Variants in MAML2 observed in about 807,000 individuals in gnomAD.
MAML2 encodes mastermind-like protein 2.
A neutral mutation model predicts 96.1 loss-of-function variants in MAML2; 22 were observed. The ratio of observed to expected loss-of-function variants is 0.23; its 90% CI spans 0.16 to 0.33. The LOEUF (loss-of-function observed/expected upper bound fraction) is 0.33, where lower values mean the gene tolerates loss of function less well. MAML2 is among the 10% of genes least tolerant of loss of function. The pLI is 1.00. For synonymous variants in MAML2, 561 were observed against 521.3 expected (o/e 1.08, Z -1.04); for missense variants, 1,367 against 1,392.4 (o/e 0.98, Z 0.29).
At chr11:96,285,501 G>A (rs477969) in intron 1 of MAML2, among the ~76,000 whole-genome samples, 61,106 of 151,980 alleles carry the variant, frequency 0.4, 12,312 homozygotes, top group East Asian at 0.47. Context: ...AAGAGCTTCC[G>A]TGCAGCAAAA....
intron 1 of MAML2, among the ~76,000 whole-genome samples, chr11:96,171,199 A>C (rs1030501764): frequency 1.3e-5 from 2 of 152,132 alleles, no homozygotes; most frequent in Non-Finnish European, 2.9e-5. Context: ...GGAAGAGTGA[A>C]CTGGGCTATC....
intron 1 of MAML2, among the ~76,000 whole-genome samples, chr11:96,255,383 A>C (rs1352170996): frequency 1.3e-5 from 2 of 152,360 alleles, no homozygotes; most frequent in South Asian, 4.1e-4. Flanking sequence ...CCCATTTTAC[A>C]GAAGAGGAAC....
At chr11:95,998,099 C>T (rs151286216) in intron 2 of MAML2, among the ~76,000 whole-genome samples, 113 of 151,154 alleles carry the variant, frequency 7.5e-4, no homozygotes, top group Non-Finnish European at 1.3e-3. Flanking sequence ...CCTATATCTA[C>T]CCATTTATCC....
intron 1 of MAML2, among the ~76,000 whole-genome samples, chr11:96,144,793 G>A (rs375394733): frequency 2.2e-4 from 34 of 152,288 alleles, no homozygotes; most frequent in African/African-American, 7.7e-4. Flanking sequence ...TATATACCAA[G>A]TACTACTCTA....
chr11:95,989,032 C>T (rs1433255801), intron 3 of MAML2, among the ~76,000 whole-genome samples: 1 of 152,180 alleles, frequency 6.6e-6, no homozygotes, highest in Non-Finnish European at 1.5e-5. Flanking sequence ...CAGCTTGGTG[C>T]CTGGCATACA....
intron 1 of MAML2, among the ~76,000 whole-genome samples, chr11:96,211,750 T>C (rs553113278): frequency 6.6e-6 from 1 of 152,102 alleles, no homozygotes; most frequent in Non-Finnish European, 1.5e-5. Context: ...ATCCTGGAAA[T>C]TGCTAATATA....
At chr11:96,057,698 C>T (rs551109066) in intron 2 of MAML2, among the ~76,000 whole-genome samples, 5 of 152,300 alleles carry the variant, frequency 3.3e-5, no homozygotes, top group South Asian at 4.1e-4. Context: ...TGGCAGAGAA[C>T]GAGGTGTTCC....
Position 96,093,376 on chromosome 11 carries a change from G to A in MAML2, c.655C>T (p.Leu219Phe), listed in dbSNP as rs765904711. 1.9e-6 allele frequency: 3 copies of A among 1,613,942 alleles called. No individual in the cohort carries two copies. Among genetic ancestry groups the A allele is most frequent in the Non-Finnish European group, 2.5e-6 (3 of 1,179,884 alleles). ...TGACTTTGTCCATTGTTTATTTGGAGGCCACCTTGTCCTGCAGAGAGATTC... is the reference window on the plus strand; with the variant it reads ...TGACTTTGTCCATTGTTTATTTGGAAGCCACCTTGTCCTGCAGAGAGATTC... Reference protein sequence around the residue: ...GENLSAGQGGLQINNGQSQIM... With the variant: ...GENLSAGQGGFQINNGQSQIM... Residue 219 changes from leucine (L) to phenylalanine (F), a missense_variant, in exon 2 of 5, where the codon CTC becomes TTC. Physicochemically the swap from Leu to Phe is conservative, Grantham distance 22. Transcript: ENST00000524717.
intron 2 of MAML2, among the ~76,000 whole-genome samples, chr11:96,081,371 A>G (rs1394514306): frequency 2.6e-5 from 4 of 152,030 alleles, no homozygotes; most frequent in Non-Finnish European, 4.4e-5. Flanking sequence ...ATCAAAGTCA[A>G]CAGTGTCATG....
At chr11:96,163,465 C>A (rs1861145315) in intron 1 of MAML2, among the ~76,000 whole-genome samples, 1 of 152,160 alleles carries the variant, frequency 6.6e-6, no homozygotes, top group Non-Finnish European at 1.5e-5. Context: ...TCTTCACAAA[C>A]AAAATAACCC....
intron 1 of MAML2, among the ~76,000 whole-genome samples, chr11:96,145,770 G>A (rs1289294092): frequency 6.6e-6 from 1 of 152,228 alleles, no homozygotes; most frequent in East Asian, 1.9e-4. Context: ...TACTTTGGGA[G>A]GCCAAGGCAG....
chr11:96,194,545 T>C (rs1861702341), intron 1 of MAML2, among the ~76,000 whole-genome samples: 1 of 152,240 alleles, frequency 6.6e-6, no homozygotes, highest in African/African-American at 2.4e-5. Flanking sequence ...TTGGATTAAA[T>C]AATTTATTCT....
intron 1 of MAML2, among the ~76,000 whole-genome samples, chr11:96,312,794 T>TA (rs372205141): frequency 5.5e-4 from 84 of 152,356 alleles, no homozygotes; most frequent in African/African-American, 1.9e-3. Context: ...GCCATCGACT[T>TA]ACCTGTTGTG....
chr11:96,060,522 A>C (rs1859140508), intron 2 of MAML2, among the ~76,000 whole-genome samples: 1 of 152,124 alleles, frequency 6.6e-6, no homozygotes, highest in Non-Finnish European at 1.5e-5. Context: ...CTATTTTATG[A>C]CATTTCAAAT....
At chr11:96,079,462 T>A (rs1859498568) in intron 2 of MAML2, among the ~76,000 whole-genome samples, 1 of 152,194 alleles carries the variant, frequency 6.6e-6, no homozygotes, top group African/African-American at 2.4e-5. Context: ...AAGAATCAGA[T>A]AAACATGGAT....
rs77747642 is a variant in MAML2 at position 96,078,160 on chromosome 11, C to T, written c.2139+13732G>A. 4.6e-5 allele frequency among the ~76,000 whole-genome samples: 7 copies of T among 152,312 alleles called. No individual in the cohort carries two copies. The East Asian group carries it at 1.3e-3, about 29-fold the overall frequency. ...GTGCTCTGTGCACATCTGGGACTTA[C>T]ATTTCTCTCTTGTCCTGCAATTTTC... On this transcript the variant is annotated intron_variant, in intron 2 of 4. Transcript: ENST00000524717.
intron 2 of MAML2, among the ~76,000 whole-genome samples, chr11:96,051,598 G>T (rs558207366): frequency 3.3e-5 from 5 of 152,238 alleles, no homozygotes; most frequent in African/African-American, 1.2e-4. Context: ...GTGTTATTTA[G>T]TGTGATGTGC....
intron 1 of MAML2, among the ~76,000 whole-genome samples, chr11:96,299,527 GC>G (rs1302787777): frequency 6.6e-6 from 1 of 152,034 alleles, no homozygotes; most frequent in Admixed American, 6.5e-5. Flanking sequence ...TTTTTCTCTA[GC>G]TGTGTGAGCA....
chr11:96,065,987 C>T (rs1471889321), intron 2 of MAML2, among the ~76,000 whole-genome samples: 2 of 152,184 alleles, frequency 1.3e-5, no homozygotes, highest in Non-Finnish European at 2.9e-5. Context: ...CATCGAATCC[C>T]CCTTTTCTCC....
Sources: allele counts gnomAD v4.1 joint callset (sites outside exome capture counted in the v4.1 genomes callset), GRCh38; gene constraint gnomAD v4.1.1; transcripts MANE v1.5; gene names NCBI Gene and HGNC (gene_info 2026-07-23, HGNC 2026-07-21).